Variants in WWOX observed in about 807,000 individuals in gnomAD.
WWOX encodes the protein WW domain-containing oxidoreductase.
Under a neutral mutation model 46.2 loss-of-function variants are expected in WWOX, and 69 were observed. The ratio of observed to expected loss-of-function variants is 1.49; its 90% CI spans 1.23 to 1.82. WWOX has a LOEUF of 1.82. WWOX is among the 40% of genes most tolerant of loss of function. WWOX has a pLI of 0.00. For synonymous variants in WWOX, 359 were observed against 202.6 expected, an observed-to-expected ratio of 1.77 and a Z score of -6.56; for missense variants, 919 against 542.6, an observed-to-expected ratio of 1.69 and a Z score of -6.89.
At chr16:79,142,854 A>C (rs2050116192) in intron 8 of WWOX, among the ~76,000 whole-genome samples, 1 of 152,168 alleles carries the variant, frequency 6.6e-6, no homozygotes, top group East Asian at 1.9e-4. Context: ...ACACACCATC[A>C]TGCTGAGCTA....
chr16:78,686,386 C>T (rs1232472805), intron 8 of WWOX, among the ~76,000 whole-genome samples: 3 of 152,110 alleles, frequency 2.0e-5, no homozygotes, highest in Admixed American at 6.5e-5. Flanking sequence ...TGGCGGGCGC[C>T]TGTAGTCCCA....
At chr16:78,579,954 G>GA (rs2045007160) in intron 8 of WWOX, among the ~76,000 whole-genome samples, 1 of 152,208 alleles carries the variant, frequency 6.6e-6, no homozygotes, top group Non-Finnish European at 1.5e-5. Context: ...AGGTGGCTGT[G>GA]AGGGAGTCTT....
intron 8 of WWOX, among the ~76,000 whole-genome samples, chr16:78,644,481 G>C (rs925588708): frequency 1.3e-5 from 2 of 151,398 alleles, no homozygotes; most frequent in African/African-American, 2.4e-5. Context: ...TTCTTTTTGA[G>C]ACAGAGTTTT....
chr16:78,204,959 A>G (rs2036345729), intron 5 of WWOX, among the ~76,000 whole-genome samples: 1 of 152,244 alleles, frequency 6.6e-6, no homozygotes, highest in Admixed American at 6.5e-5. Flanking sequence ...GTTGAAAAGA[A>G]CAATTAAAAG....
intron 8 of WWOX, among the ~76,000 whole-genome samples, chr16:78,446,759 C>T (rs548125357): frequency 7.0e-6 from 1 of 143,310 alleles, no homozygotes; most frequent in South Asian, 2.2e-4. Flanking sequence ...CTCCCAAGTT[C>T]AAGCCATTCT....
At chr16:79,016,987 A>G (rs2047427032) in intron 8 of WWOX, 1 of 152,220 alleles carries the variant, frequency 6.6e-6, no homozygotes, top group Admixed American at 6.5e-5. Context: ...GATGTGAGCC[A>G]CTGCCCCTGC....
chr16:79,003,291 A>G (rs536566574), intron 8 of WWOX, among the ~76,000 whole-genome samples: 3 of 152,270 alleles, frequency 2.0e-5, no homozygotes, highest in South Asian at 2.1e-4. Context: ...ATCAAAGTCT[A>G]TTGTCACAAG....
At chr16:78,866,731 C>T (rs998205341) in intron 8 of WWOX, among the ~76,000 whole-genome samples, 23 of 152,144 alleles carry the variant, frequency 1.5e-4, no homozygotes, top group African/African-American at 5.3e-4. Flanking sequence ...GGCAATAAAC[C>T]AGGAATGCAC....
At chr16:78,515,898 G>A (rs2043224916) in intron 8 of WWOX, among the ~76,000 whole-genome samples, 1 of 152,088 alleles carries the variant, frequency 6.6e-6, no homozygotes, top group Admixed American at 6.6e-5. Context: ...GAACATCTTT[G>A]GCCCATGTGA....
chr16:79,043,052 A>G (rs1410605819), intron 8 of WWOX, among the ~76,000 whole-genome samples: 1 of 152,142 alleles, frequency 6.6e-6, no homozygotes, highest in African/African-American at 2.4e-5. Flanking sequence ...CCTGTCATCA[A>G]GAGTTCCCAT....
intron 5 of WWOX, among the ~76,000 whole-genome samples, chr16:78,233,710 G>A (rs899932670): frequency 2.0e-5 from 3 of 152,036 alleles, no homozygotes; most frequent in African/African-American, 7.2e-5. Context: ...TGTAGTTTTA[G>A]TAGGGATGGG....
chr16:78,857,352 G>C (rs149666578), intron 8 of WWOX, among the ~76,000 whole-genome samples: 2 of 152,296 alleles, frequency 1.3e-5, no homozygotes, highest in African/African-American at 4.8e-5. Context: ...TAAGAAGGCA[G>C]ATAACTTCCA....
At chr16:78,944,709 C>G (rs547835637) in intron 8 of WWOX, among the ~76,000 whole-genome samples, 1 of 152,174 alleles carries the variant, frequency 6.6e-6, no homozygotes, top group South Asian at 2.1e-4. Context: ...CTGCAAAAGC[C>G]AACTTGAGAC....
At chr16:78,998,680 C>A (rs1398593368) in intron 8 of WWOX, among the ~76,000 whole-genome samples, 6 of 152,200 alleles carry the variant, frequency 3.9e-5, no homozygotes, top group Non-Finnish European at 5.9e-5. Flanking sequence ...CAGTGCTCAG[C>A]ATGCATGAAG....
At chr16:78,320,840 T>G (rs2080452230) in intron 5 of WWOX, among the ~76,000 whole-genome samples, 1 of 152,218 alleles carries the variant, frequency 6.6e-6, no homozygotes. Context: ...AACACAGGAT[T>G]TCTGTCTTTA....
intron 8 of WWOX, among the ~76,000 whole-genome samples, chr16:78,516,819 G>T: frequency 6.6e-6 from 1 of 152,150 alleles, no homozygotes; most frequent in East Asian, 1.9e-4. Context: ...GAGAAGAGAG[G>T]TGTTAATGGA....
At chr16:78,543,499 C>T (rs555415087) in intron 8 of WWOX, among the ~76,000 whole-genome samples, 5 of 152,334 alleles carry the variant, frequency 3.3e-5, no homozygotes, top group South Asian at 2.1e-4. Flanking sequence ...TTGCAGCTTC[C>T]ACCCATGCAC....
chr16:78,578,282 ATATTTTTTTTTT>A (rs2044951656), intron 8 of WWOX, among the ~76,000 whole-genome samples: 1 of 34,220 alleles, frequency 2.9e-5, no homozygotes, highest in Non-Finnish European at 5.1e-5. Flanking sequence ...ATATATATAT[ATATTTTTTTTTT>A]TTTTTTTTTT....
At chr16:78,781,353 C>G (rs1401522577) in intron 8 of WWOX, among the ~76,000 whole-genome samples, 1 of 152,160 alleles carries the variant, frequency 6.6e-6, no homozygotes, top group Non-Finnish European at 1.5e-5. Flanking sequence ...TCTCAGAAAT[C>G]TGCACCCCAC....
Sources: allele counts gnomAD v4.1 joint callset (sites outside exome capture counted in the v4.1 genomes callset), GRCh38; gene constraint gnomAD v4.1.1; transcripts MANE v1.5; gene names NCBI Gene and HGNC (gene_info 2026-07-23, HGNC 2026-07-21).